COX7B2: variants seen among roughly 807,000 people sequenced by gnomAD.
COX7B2 encodes the protein cytochrome c oxidase subunit 7B2.
For missense variants in COX7B2, 109 were observed against 95.9 expected (o/e 1.14, Z -0.57); for synonymous variants, 37 against 32.1 (o/e 1.15, Z -0.51).
chr4:46,829,949 TAA>T (rs1714953417), intron 2 of COX7B2, among the ~76,000 whole-genome samples: 1 of 152,146 alleles, frequency 6.6e-6, no homozygotes, highest in Admixed American at 6.5e-5. Flanking sequence ...TGTGAAGAAA[TAA>T]TTAAACGGAG....
chr4:46,741,594 C>A (rs1428969213), intron 2 of COX7B2, among the ~76,000 whole-genome samples: 1 of 151,946 alleles, frequency 6.6e-6, no homozygotes, highest in Non-Finnish European at 1.5e-5. Context: ...TATCCTGGTC[C>A]CTACCATGGG....
chr4:46,763,141 T>TTG (rs1716316875), intron 2 of COX7B2, among the ~76,000 whole-genome samples: 1 of 94,374 alleles, frequency 1.1e-5, no homozygotes, highest in South Asian at 3.9e-4. Context: ...AATTGTATAA[T>TTG]TATATATTAT....
chr4:46,774,373 ACT>A (rs1455569718), intron 2 of COX7B2, among the ~76,000 whole-genome samples: 26 of 152,056 alleles, frequency 1.7e-4, no homozygotes, highest in African/African-American at 4.8e-5. Context: ...GAGAAATTAT[ACT>A]CTCTGTCTGA....
chr4:46,758,859 G>T (rs1435682934), intron 2 of COX7B2, among the ~76,000 whole-genome samples: 1 of 152,082 alleles, frequency 6.6e-6, no homozygotes, highest in Non-Finnish European at 1.5e-5. Context: ...TTAAAACTGT[G>T]ATAGCAAACA....
chr4:46,762,406 A>G (rs1039140448), intron 2 of COX7B2, among the ~76,000 whole-genome samples: 4 of 137,576 alleles, frequency 2.9e-5, no homozygotes, highest in Middle Eastern at 3.8e-3. Flanking sequence ...TACAATATAT[A>G]ATATTATATA....
chr4:46,826,773 T>C (rs1714727420), intron 2 of COX7B2, among the ~76,000 whole-genome samples: 3 of 152,040 alleles, frequency 2.0e-5, no homozygotes, highest in South Asian at 4.1e-4. Flanking sequence ...GAAAACCAAA[T>C]ACTGCATGTT....
chr4:46,904,344 C>G (rs1720249503), intron 1 of COX7B2, among the ~76,000 whole-genome samples: 1 of 151,894 alleles, frequency 6.6e-6, no homozygotes, highest in Admixed American at 6.6e-5. Flanking sequence ...GCAGCTAGAA[C>G]TCAAATGGAG....
At chr4:46,897,060 C>A (rs1512128) in intron 1 of COX7B2, among the ~76,000 whole-genome samples, 20,306 of 152,002 alleles carry the variant, frequency 0.13, 1,472 homozygotes, top group South Asian at 0.25. Context: ...AATAGTATAC[C>A]CATTAAAATG....
chr4:46,853,713 TG>T (rs998359380), intron 1 of COX7B2, among the ~76,000 whole-genome samples: 2 of 152,100 alleles, frequency 1.3e-5, no homozygotes, highest in African/African-American at 4.8e-5. Flanking sequence ...TTGTTTTAAC[TG>T]TTTGTTTATT....
intron 2 of COX7B2, among the ~76,000 whole-genome samples, chr4:46,827,396 A>G (rs1407724169): frequency 6.6e-6 from 1 of 152,126 alleles, no homozygotes; most frequent in Non-Finnish European, 1.5e-5. Context: ...GGTAACAATC[A>G]TGCAACCAAC....
intron 2 of COX7B2, among the ~76,000 whole-genome samples, chr4:46,747,817 T>C (rs530364330): frequency 6.6e-6 from 1 of 152,320 alleles, no homozygotes; most frequent in Admixed American, 6.5e-5. Context: ...GCCAATGATG[T>C]AACACATTTT....
chr4:46,891,336 G>A (rs996644984), intron 1 of COX7B2, among the ~76,000 whole-genome samples: 11 of 152,170 alleles, frequency 7.2e-5, no homozygotes, highest in Admixed American at 5.2e-4. Flanking sequence ...AAAACATAAT[G>A]TAGGAAGTGA....
At chr4:46,879,118 T>C (rs987946531) in intron 1 of COX7B2, among the ~76,000 whole-genome samples, 1 of 152,122 alleles carries the variant, frequency 6.6e-6, no homozygotes, top group Non-Finnish European at 1.5e-5. Flanking sequence ...TCTCCTTTTC[T>C]TGATTTTTTT....
intron 2 of COX7B2, among the ~76,000 whole-genome samples, chr4:46,781,860 T>C (rs1392094683): frequency 2.0e-5 from 3 of 152,198 alleles, no homozygotes; most frequent in African/African-American, 7.2e-5. Flanking sequence ...TCCCTCAGCA[T>C]TACCTGCCCA....
chr4:46,752,375 T>C (rs933075120), intron 2 of COX7B2, among the ~76,000 whole-genome samples: 27 of 151,882 alleles, frequency 1.8e-4, no homozygotes, highest in Non-Finnish European at 3.1e-4. Flanking sequence ...CAGGGACAAT[T>C]TGACTTCCTC....
At chr4:46,739,155 C>A (rs933167313) in intron 2 of COX7B2, among the ~76,000 whole-genome samples, 1 of 152,002 alleles carries the variant, frequency 6.6e-6, no homozygotes, top group Non-Finnish European at 1.5e-5. Context: ...CAAGATTTTG[C>A]ACATCTGAAA....
chr4:46,787,783 C>G (rs1717829947), intron 2 of COX7B2, among the ~76,000 whole-genome samples: 1 of 152,224 alleles, frequency 6.6e-6, no homozygotes, highest in Non-Finnish European at 1.5e-5. Context: ...TAATGGTTCA[C>G]AGCTTGCCTT....
chr4:46,830,068 G>A (rs1172474156), intron 2 of COX7B2, among the ~76,000 whole-genome samples: 1 of 152,136 alleles, frequency 6.6e-6, no homozygotes, highest in Non-Finnish European at 1.5e-5. Flanking sequence ...GCTCACGCAT[G>A]TAATCCTAGC....
intron 1 of COX7B2, among the ~76,000 whole-genome samples, chr4:46,897,938 A>G (rs553795081): frequency 6.6e-6 from 1 of 152,246 alleles, no homozygotes; most frequent in South Asian, 2.1e-4. Context: ...TTCCCTAACT[A>G]TGCTGGCTAT....
Sources: allele counts gnomAD v4.1 joint callset (sites outside exome capture counted in the v4.1 genomes callset), GRCh38; gene constraint gnomAD v4.1.1; transcripts MANE v1.5; gene names NCBI Gene and HGNC (gene_info 2026-07-23, HGNC 2026-07-21).